Variants in MAP3K4 observed in about 807,000 individuals in gnomAD.
MAP3K4 encodes MAP three kinase 1.
In MAP3K4, 67 loss-of-function variants were observed where a neutral mutation model predicts 185.6. The ratio of observed to expected loss-of-function variants is 0.36; its 90% confidence interval spans 0.30 to 0.44. MAP3K4 has a LOEUF of 0.44. Ranked by LOEUF, MAP3K4 falls within the 20% of genes least tolerant of loss-of-function variation. The pLI, the probability that MAP3K4 is intolerant of heterozygous loss-of-function variation, is 1.00. For synonymous variants in MAP3K4, 702 were observed against 710.4 expected (o/e 0.99, Z 0.19); for missense variants, 1,551 against 1,995.1 (o/e 0.78, Z 4.24).
At position 161,007,118 on chromosome 6, in the gene MAP3K4, T is replaced by C. The variant is rs1781625657; in HGVS notation, c.152+15035T>C. ...CAGGACCAGGAATTGTACTCATTGT[T>C]GTGTCCCCAGGTCACAGACCAGAAA... On this transcript the variant is annotated intron_variant, in intron 1 of 26. Transcript: ENST00000392142. The surrounding 1 kb of genome is among the most constrained non-coding windows in gnomAD (Gnocchi z 4.5). 6.6e-6 allele frequency among the ~76,000 whole-genome samples: 1 copy of C among 152,244 alleles called. No homozygotes were observed.
At position 161,101,646 on chromosome 6, in the gene MAP3K4, G is replaced by T. The variant is rs759350253; in HGVS notation, c.3675-246G>T. On this transcript the variant is annotated intron_variant, in intron 17 of 26. Transcript: ENST00000392142. The surrounding 1 kb of genome is among the most constrained non-coding windows in gnomAD (Gnocchi z 5.1). ...AGAGCTCTAACAGACTCCAGAGGAC[G>T]GTCTCCACAGCAGCGCTGTTCACTT... The T allele has an allele frequency of 5.7e-6, 2 of 353,500 alleles. No homozygotes were observed. The highest frequency in any genetic ancestry group is 1.0e-5 in the Non-Finnish European group (2 of 193,178). The allele number at this position is 353,500 out of a possible 1,614,324, so 21.9% of individuals were successfully genotyped here.
rs770649078 is a variant in MAP3K4 at position 160,992,002 on chromosome 6, AGCCGCCGCCACCGCC to A, written c.84_98del (p.Pro32_Pro36del). The A allele has an allele frequency of 1.5e-5, 23 of 1,537,144 alleles. No homozygotes were observed. The highest frequency in any genetic ancestry group is 1.2e-4 in the South Asian group (10 of 84,204). On this transcript the variant is annotated inframe_deletion, in exon 1 of 27. Transcript: ENST00000392142. ...GTCACGCCTGCCGCCGCCATGGAGG[AGCCGCCGCCACCGCC>A]GCCGCCGCCACCACCGCCACCGGAA...
intron 1 of MAP3K4, among the ~76,000 whole-genome samples, chr6:161,019,206 G>A (rs1430830312): frequency 2.0e-5 from 3 of 152,194 alleles, no homozygotes; most frequent in Non-Finnish European, 4.4e-5. Context: ...TTAAAGTAGG[G>A]TCAACACAGA....
chr6:161,038,690 C>T (rs945378301), intron 2 of MAP3K4, among the ~76,000 whole-genome samples: 1 of 152,196 alleles, frequency 6.6e-6, no homozygotes, highest in African/African-American at 2.4e-5. Flanking sequence ...GGTGTGTAGG[C>T]AGGGTACAGG....
rs923125175 is a variant in MAP3K4, at chr6:161,061,029, G to A, written c.1708-9579G>A. 1.3e-5 allele frequency among the ~76,000 whole-genome samples: 2 copies of A among 152,146 alleles called. No individual in the cohort carries two copies. Among genetic ancestry groups the A allele is most frequent in the African/African-American group, 4.8e-5 (2 of 41,426 alleles). On this transcript the variant is annotated intron_variant, in intron 3 of 26. Coordinates refer to ENST00000392142, the MANE Select transcript of MAP3K4 (RefSeq NM_005922.4). The surrounding 1 kb of genome is among the most constrained non-coding windows in gnomAD (Gnocchi z 4.2). ...CATTGTTCATTGCAGCAGAAATTGT[G>A]GCTGGTCATTGTTTTACTGTTTAGT... is the stretch of plus-strand genomic sequence containing the variant.
chr6:161,089,167 G>C (rs1038488856), intron 10 of MAP3K4, among the ~76,000 whole-genome samples, 155 bp from the exon 11 acceptor site: 1 of 152,338 alleles, frequency 6.6e-6, no homozygotes, highest in Non-Finnish European at 1.5e-5. Context: ...GCGTGTTGCT[G>C]TGTAGGAGAA....
intron 6 of MAP3K4, among the ~76,000 whole-genome samples, chr6:161,081,428 A>G (rs1326041838): frequency 6.6e-6 from 1 of 152,164 alleles, no homozygotes; most frequent in African/African-American, 2.4e-5. Flanking sequence ...AATAAAAGGA[A>G]GGAGATTGTA....
rs1354405448 is a variant in MAP3K4, at chr6:161,087,258, C to T, written c.2557-430C>T. ...CTTTGAGAAACTGATCTCAAGGAGCCTTCTTGTGATGAACCCCTGGCTCCC... is the reference window on the plus strand; with the variant it reads ...CTTTGAGAAACTGATCTCAAGGAGCTTTCTTGTGATGAACCCCTGGCTCCC... On this transcript the variant is annotated intron_variant, in intron 9 of 26. Transcript: ENST00000392142. This position sits in a 1 kb window ranked among gnomAD's most constrained non-coding sequence, Gnocchi z 4.9. Among the ~76,000 whole-genome samples, 2 of 152,210 alleles carry T rather than the reference C, an allele frequency of 1.3e-5. No homozygotes were observed. The highest frequency in any genetic ancestry group is 2.9e-5 in the Non-Finnish European group (2 of 68,038).
rs190428036 is a variant in MAP3K4 at position 161,083,422 on chromosome 6, G to A, written c.2256-1079G>A. 2.6e-3 allele frequency among the ~76,000 whole-genome samples: 401 copies of A among 152,210 alleles called. 3 individuals carry two copies. The highest frequency in any genetic ancestry group is 3.7e-3 in the Non-Finnish European group (249 of 68,002). ...TGAATAAGTACATTCTAGTATTTTTGTATAATGTTCTTTAAAAGCATTGTT... is the reference window on the plus strand; with the variant it reads ...TGAATAAGTACATTCTAGTATTTTTATATAATGTTCTTTAAAAGCATTGTT... On this transcript the variant is annotated intron_variant, in intron 6 of 26. Coordinates refer to ENST00000392142, the MANE Select transcript of MAP3K4 (RefSeq NM_005922.4).
intron 7 of MAP3K4, among the ~76,000 whole-genome samples, chr6:161,085,583 A>G (rs749958922): frequency 6.6e-6 from 1 of 152,360 alleles, no homozygotes; most frequent in African/African-American, 2.4e-5. Context: ...TGAAAAACAC[A>G]TTTTGAGTTT....
intron 3 of MAP3K4, among the ~76,000 whole-genome samples, chr6:161,058,757 G>GATAT (rs148494924): frequency 2.1e-3 from 306 of 146,370 alleles, no homozygotes; most frequent in African/African-American, 6.8e-3. Flanking sequence ...TGTCCTTGTA[G>GATAT]ATATATATAT....
In MAP3K4 at chr6:161,043,689, T is replaced by C. The variant is rs1358161231; in HGVS notation, c.344-4927T>C. Among the ~76,000 whole-genome samples the C allele has an allele frequency of 1.3e-5, 2 of 152,230 alleles. No homozygotes were observed. The highest frequency in any genetic ancestry group is 2.9e-5 in the Non-Finnish European group (2 of 68,042). On this transcript the variant is annotated intron_variant, in intron 2 of 26. Transcript: ENST00000392142. This position sits in a 1 kb window ranked among gnomAD's most constrained non-coding sequence, Gnocchi z 4.3. Reference sequence around the variant, plus strand: ...GGAGCCATTGTAGCCATGTCAGAGATACGTGCACTTTAGCAGGAACGCAGT... The same window carrying C: ...GGAGCCATTGTAGCCATGTCAGAGACACGTGCACTTTAGCAGGAACGCAGT...
At position 161,108,556 on chromosome 6, in the gene MAP3K4, A is replaced by C. The variant is rs932272107; in HGVS notation, c.4120-187A>C. 1.3e-5 allele frequency among the ~76,000 whole-genome samples: 2 copies of C among 152,028 alleles called. No homozygotes were observed. Among genetic ancestry groups the C allele is most frequent in the South Asian group, 2.1e-4 (1 of 4,830 alleles). ...TCTTCCTCCTCTGTGCCCGGGACCT[A>C]CCCGCACTTCTATGACTTCACTCTA... is the stretch of plus-strand genomic sequence containing the variant. On this transcript the variant is annotated intron_variant, in intron 21 of 26. Transcript: ENST00000392142. The surrounding 1 kb of genome is among the most constrained non-coding windows in gnomAD (Gnocchi z 5.7).
rs755203526 is a variant in MAP3K4, at chr6:161,076,167, C to G, written c.2097+2555C>G. On this transcript the variant is annotated intron_variant, in intron 5 of 26. Transcript: ENST00000392142. This position sits in a 1 kb window ranked among gnomAD's most constrained non-coding sequence, Gnocchi z 4.2. ...TAAACCCAAGCTCTAAATACGTGTCCGCCTTAGGCCCAGAAGGCCCACCCA... is the reference window on the plus strand; with the variant it reads ...TAAACCCAAGCTCTAAATACGTGTCGGCCTTAGGCCCAGAAGGCCCACCCA... Among the ~76,000 whole-genome samples the G allele has an allele frequency of 6.6e-6, 1 of 152,158 alleles. No homozygotes were observed. Among genetic ancestry groups the G allele is most frequent in the Non-Finnish European group, 1.5e-5 (1 of 68,006 alleles).
intron 1 of MAP3K4, among the ~76,000 whole-genome samples, chr6:160,994,452 C>A (rs1780900482): frequency 6.6e-6 from 1 of 152,142 alleles, no homozygotes; most frequent in South Asian, 2.1e-4. Context: ...CAAGTTGCTG[C>A]AGTTGCCATT....
chr6:161,072,545 T>C (rs963685100), intron 4 of MAP3K4, among the ~76,000 whole-genome samples: 1 of 152,252 alleles, frequency 6.6e-6, no homozygotes, highest in Non-Finnish European at 1.5e-5. Context: ...TCGATTTAAG[T>C]AACATTGTGA....
At position 161,112,890 on chromosome 6, in the gene MAP3K4, G is replaced by T; in HGVS notation, c.4626+116G>T. 3.6e-6 allele frequency: 2 copies of T among 548,750 alleles called. No individual in the cohort carries two copies. Among genetic ancestry groups the T allele is most frequent in the Non-Finnish European group, 2.9e-6 (1 of 339,222 alleles). The allele number at this position is 548,750 out of a possible 1,614,324, so 34.0% of individuals were successfully genotyped here. The stretch of plus-strand genomic sequence containing the variant: ...ACACTGTGGACACTAAATAGCGAAC[G>T]ATATTAGATACAAAAATCTGATCCA... On this transcript the variant is annotated intron_variant, in intron 25 of 26. Coordinates refer to ENST00000392142, the MANE Select transcript of MAP3K4 (RefSeq NM_005922.4). The surrounding 1 kb of genome is among the most constrained non-coding windows in gnomAD (Gnocchi z 5.1).
chr6:161,000,239 A>T (rs560501763), intron 1 of MAP3K4, among the ~76,000 whole-genome samples: 2 of 152,300 alleles, frequency 1.3e-5, no homozygotes, highest in Middle Eastern at 3.4e-3. Flanking sequence ...TACTAAATTG[A>T]TTTTATTACC....
In MAP3K4 at chr6:161,056,840, CCA is replaced by C; in HGVS notation, c.1707+6862_1707+6863del. ...CATCTGCGTTGCATCCTGGGATCCT[CCA>C]AAATCCTGATTGACTTTTTAAAATG... On this transcript the variant is annotated intron_variant, in intron 3 of 26. Coordinates refer to ENST00000392142, the MANE Select transcript of MAP3K4 (RefSeq NM_005922.4). The surrounding 1 kb of genome is among the most constrained non-coding windows in gnomAD (Gnocchi z 5.4). 6.6e-6 allele frequency among the ~76,000 whole-genome samples: 1 copy of C among 152,238 alleles called. No homozygotes were observed. The highest frequency in any genetic ancestry group is 1.9e-4 in the East Asian group (1 of 5,174).
Sources: gnomAD v4.1 joint callset for allele counts (sites outside exome capture counted in the v4.1 genomes callset) on GRCh38, gnomAD v4.1.1 for gene constraint, Gnocchi (gnomAD v3.1) non-coding constraint, MANE v1.5 for transcripts, NCBI Gene and HGNC (gene_info 2026-07-23, HGNC 2026-07-21) for gene names.